BRAF: variants seen among roughly 807,000 people sequenced by gnomAD.
BRAF encodes the protein B-Raf proto-oncogene, serine/threonine kinase.
Under a neutral mutation model 104.6 loss-of-function variants are expected in BRAF, and 16 were observed. That is an observed-to-expected ratio of 0.15 (90% CI 0.10 to 0.23). The LOEUF (loss-of-function observed/expected upper bound fraction) is 0.23, where lower values mean the gene tolerates loss of function less well. Among genes scored for constraint, BRAF ranks in the 10% least tolerant of loss-of-function variants. The pLI is 1.00. For missense variants in BRAF, 541 were observed against 937.3 expected (o/e 0.58, Z 5.52); for synonymous variants, 310 against 341.6 (o/e 0.91, Z 1.02).
intron 1 of BRAF, among the ~76,000 whole-genome samples, chr7:140,886,761 CGT>C (rs925453067): frequency 2.6e-5 from 4 of 152,080 alleles, no homozygotes; most frequent in African/African-American, 4.8e-5. Flanking sequence ...TCAGAATTTG[CGT>C]GTGTGTGTAT....
chr7:140,773,982 G>T (rs1800086999), intron 14 of BRAF, among the ~76,000 whole-genome samples: 1 of 152,134 alleles, frequency 6.6e-6, no homozygotes, highest in Non-Finnish European at 1.5e-5. Context: ...GCAAAAATCT[G>T]TCACCTTAAT....
intron 3 of BRAF, among the ~76,000 whole-genome samples, chr7:140,821,875 C>T (rs538223720): frequency 6.6e-6 from 1 of 152,086 alleles, no homozygotes; most frequent in African/African-American, 2.4e-5. Flanking sequence ...TTTGCAGCAA[C>T]CTGGATGCAG....
chr7:140,903,162 G>A (rs1815864066), intron 1 of BRAF, among the ~76,000 whole-genome samples: 1 of 152,052 alleles, frequency 6.6e-6, no homozygotes, highest in East Asian at 1.9e-4. Flanking sequence ...CCGGCCTCAG[G>A]TGATCCGCCC....
At chr7:140,728,515 A>G (rs571535295) in intron 19 of BRAF, among the ~76,000 whole-genome samples, 2 of 151,638 alleles carry the variant, frequency 1.3e-5, no homozygotes, top group South Asian at 4.3e-4. Context: ...CCTCATATTT[A>G]AAGTTAAGAG....
intron 1 of BRAF, among the ~76,000 whole-genome samples, chr7:140,897,527 T>C (rs6952095): frequency 0.28 from 40,281 of 141,750 alleles, 9,569 homozygotes; most frequent in African/African-American, 0.66. Context: ...GACAGAGTCT[T>C]GCTCTGTCGC....
At chr7:140,739,748 G>T in intron 18 of BRAF, 64 bp downstream of exon 17, 1 of 1,595,274 alleles carries the variant, frequency 6.3e-7, no homozygotes, top group Non-Finnish European at 8.6e-7. Flanking sequence ...GCCCAAAAAA[G>T]TGCTCAGAAA....
downstream of BRAF, chr7:140,719,242 C>T: frequency 2.0e-6 from 1 of 490,966 alleles, no homozygotes; most frequent in Non-Finnish European, 2.7e-6. Context: ...GTACATTTCT[C>T]AGTCTCTCCA....
chr7:140,790,345 T>C (rs1300248281), intron 8 of BRAF, among the ~76,000 whole-genome samples: 1 of 152,230 alleles, frequency 6.6e-6, no homozygotes, highest in East Asian at 1.9e-4. Flanking sequence ...CTACTCATTC[T>C]AGGTTACAAA....
At chr7:140,871,287 A>G (rs1426127052) in intron 1 of BRAF, among the ~76,000 whole-genome samples, 1 of 151,394 alleles carries the variant, frequency 6.6e-6, no homozygotes, top group Non-Finnish European at 1.5e-5. Context: ...TTGCCCCCAT[A>G]TATTTGTATC....
rs1803098369 is a variant in BRAF at position 140,801,404 on chromosome 7, T to C, written c.860+8A>G. On this transcript the variant is annotated splice_region_variant and intron_variant, in intron 6 of 19. Transcript: ENST00000644969. ...TAGGTAGAAAAGAGATATTTTTGGATTACTTACTCAAGTTGGTCATAATTA... is the reference window on the plus strand; with the variant it reads ...TAGGTAGAAAAGAGATATTTTTGGACTACTTACTCAAGTTGGTCATAATTA... The C allele has an allele frequency of 6.2e-7, 1 of 1,613,452 alleles. No individual in the cohort carries two copies. Among genetic ancestry groups the C allele is most frequent in the African/African-American group, 1.3e-5 (1 of 74,910 alleles).
intron 2 of BRAF, among the ~76,000 whole-genome samples, chr7:140,848,334 G>A (rs1808789916): frequency 6.6e-6 from 1 of 152,146 alleles, no homozygotes; most frequent in African/African-American, 2.4e-5. Flanking sequence ...TAACCTCTCT[G>A]TTTTTTCACT....
chr7:140,882,438 C>T (rs1178439352), intron 1 of BRAF, among the ~76,000 whole-genome samples: 3 of 148,954 alleles, frequency 2.0e-5, no homozygotes, highest in Non-Finnish European at 4.4e-5. Flanking sequence ...GGCAGAGGCA[C>T]GATCTCGGCT....
At chr7:140,915,803 A>G (rs746524066) in intron 1 of BRAF, among the ~76,000 whole-genome samples, 3 of 151,988 alleles carry the variant, frequency 2.0e-5, no homozygotes, top group Non-Finnish European at 2.9e-5. Flanking sequence ...TTTTGGAACA[A>G]TAGTTAAAAA....
In BRAF at chr7:140,725,061, A is replaced by G. The variant is rs1795525352; in HGVS notation, c.*1433T>C. 3.8e-6 allele frequency: 4 copies of G among 1,046,352 alleles called. No homozygotes were observed. In the East Asian group the frequency reaches 1.7e-4, roughly 44 times the overall value. 64.8% of individuals were successfully genotyped at this position (1,046,352 alleles called of 1,614,324 possible). ...GTCCTAATATCCCTAAAATTGCTCT[A>G]TTCTCTGTCTGGGAATTCAGCTGCC... On this transcript the variant is annotated 3_prime_UTR_variant, in exon 20 of 20. Coordinates refer to ENST00000644969, the MANE Select transcript of BRAF (RefSeq NM_001374258.1).
At chr7:140,786,097 C>CA (rs1300619283) in intron 9 of BRAF, among the ~76,000 whole-genome samples, 2 of 151,844 alleles carry the variant, frequency 1.3e-5, no homozygotes, top group South Asian at 4.2e-4. Flanking sequence ...ATGTATTAGG[C>CA]AAAATTATCA....
chr7:140,836,377 GAGGA>G (rs1807343163), intron 2 of BRAF: 1 of 152,100 alleles, frequency 6.6e-6, no homozygotes, highest in Admixed American at 6.5e-5. Context: ...GAATGTAAGG[GAGGA>G]AGGGAGAATT....
At chr7:140,768,332 C>T (rs1302280815) in intron 14 of BRAF, among the ~76,000 whole-genome samples, 1 of 152,142 alleles carries the variant, frequency 6.6e-6, no homozygotes, top group African/African-American at 2.4e-5. Flanking sequence ...CCCATTAAAA[C>T]TTTTATACAT....
Position 140,721,506 on chromosome 7 carries a change from T to C in BRAF, c.*4988A>G. On this transcript the variant is annotated 3_prime_UTR_variant, in exon 20 of 20. Transcript: ENST00000644969. Reference sequence around the variant, plus strand: ...CAACAAAACAGAGCTTACTGTCTAGTGTACTAATAAAACAAACATCTTACC... The same window carrying C: ...CAACAAAACAGAGCTTACTGTCTAGCGTACTAATAAAACAAACATCTTACC... 1 of 1,385,962 alleles carries C rather than the reference T, an allele frequency of 7.2e-7. No homozygotes were observed. The highest frequency in any genetic ancestry group is 9.3e-7 in the Non-Finnish European group (1 of 1,072,314). 85.9% of individuals were successfully genotyped at this position (1,385,962 alleles called of 1,614,324 possible). A position where few individuals can be genotyped will look rare whatever the true frequency, so the allele number is the denominator to read the frequency against.
intron 3 of BRAF, among the ~76,000 whole-genome samples, chr7:140,822,812 T>C (rs905516359): frequency 5.9e-5 from 9 of 152,202 alleles, no homozygotes; most frequent in South Asian, 4.1e-4. Context: ...CTGTGTGATA[T>C]GCTAAGTGTA....
Sources: gnomAD v4.1 joint callset for allele counts (sites outside exome capture counted in the v4.1 genomes callset) on GRCh38, gnomAD v4.1.1 for gene constraint, MANE v1.5 for transcripts, NCBI Gene and HGNC (gene_info 2026-07-23, HGNC 2026-07-21) for gene names.